Variants in GSE1 observed in about 807,000 individuals in gnomAD.
GSE1 encodes the protein genetic suppressor element 1.
GSE1 carries 32 observed loss-of-function variants against 112.6 expected under a neutral mutation model. That is an observed-to-expected ratio of 0.28 (90% confidence interval 0.21 to 0.38). The LOEUF (loss-of-function observed/expected upper bound fraction) is 0.38, where lower values mean the gene tolerates loss of function less well. Ranked by LOEUF, GSE1 falls within the 10% of genes least tolerant of loss-of-function variation. The pLI is 1.00. For missense variants in GSE1, 2,348 were observed against 1,699.2 expected, an observed-to-expected ratio of 1.38 and a Z score of -6.71; for synonymous variants, 1,115 against 735.6, an observed-to-expected ratio of 1.52 and a Z score of -8.35.
chr16:85,604,891 C>T (rs1473060424), intron 1 of GSE1, among the ~76,000 whole-genome samples: 1 of 84,422 alleles, frequency 1.2e-5, no homozygotes, highest in East Asian at 4.2e-4. Context: ...GATCTCGGCT[C>T]ACTGCAAGCT....
chr16:85,358,998 G>A (rs914245083), intron 2 of GSE1, among the ~76,000 whole-genome samples: 3 of 152,232 alleles, frequency 2.0e-5, no homozygotes, highest in African/African-American at 7.2e-5. Flanking sequence ...TGGCTCACGG[G>A]GCAGATGTGG....
At chr16:85,463,349 CT>C (rs2151828501) in intron 2 of GSE1, among the ~76,000 whole-genome samples, 1 of 152,306 alleles carries the variant, frequency 6.6e-6, no homozygotes, top group African/African-American at 2.4e-5. Flanking sequence ...GTAGAAAACC[CT>C]TGACCCCCGC....
At chr16:85,556,695 G>A (rs2151265301) in intron 1 of GSE1, among the ~76,000 whole-genome samples, 1 of 148,722 alleles carries the variant, frequency 6.7e-6, no homozygotes, top group South Asian at 2.1e-4. Flanking sequence ...CCAAGGTGAA[G>A]TAAGCGCCGA....
intron 2 of GSE1, among the ~76,000 whole-genome samples, chr16:85,538,836 C>T (rs2044421431): frequency 6.6e-6 from 1 of 152,212 alleles, no homozygotes; most frequent in African/African-American, 2.4e-5. Flanking sequence ...TCCCTCTTGC[C>T]CTGGAAGACC....
chr16:85,274,008 T>C (rs115905226), intron 1 of GSE1, among the ~76,000 whole-genome samples: 1,970 of 150,826 alleles, frequency 0.013, 47 homozygotes, highest in African/African-American at 0.041. Context: ...GGGTCTCTTT[T>C]TGGGGTGATG....
In GSE1 at chr16:85,668,397, T is replaced by G. The variant is rs1365057156; in HGVS notation, c.3388T>G (p.Phe1130Val). The change falls in exon 14 of 16, where the codon TTT becomes GTT. Residue 1130 changes from phenylalanine to valine, a missense_variant. Transcript: ENST00000253458. Reference sequence around the variant, plus strand: ...CAAGTGGCAAGGGATCGAGGCCGTTTTTGAAGCTTACCAGGAACACATAGA... The same window carrying G: ...CAAGTGGCAAGGGATCGAGGCCGTTGTTGAAGCTTACCAGGAACACATAGA... ...KRKWQGIEAVFEAYQEHIEEQ... is the reference protein window; with the variant it reads ...KRKWQGIEAVVEAYQEHIEEQ... 2.5e-6 allele frequency: 4 copies of G among 1,610,810 alleles called. No homozygotes were observed. In the South Asian group the frequency reaches 3.3e-5, roughly 13 times the overall value.
chr16:85,400,014 A>C (rs945551496), intron 2 of GSE1, among the ~76,000 whole-genome samples: 5 of 152,200 alleles, frequency 3.3e-5, no homozygotes, highest in African/African-American at 1.2e-4. Context: ...GCAGCCCCTG[A>C]GCAGGCCCAG....
chr16:85,281,494 G>C (rs1057165043), intron 1 of GSE1, among the ~76,000 whole-genome samples: 1 of 152,206 alleles, frequency 6.6e-6, no homozygotes, highest in African/African-American at 2.4e-5. Flanking sequence ...TTAAATGCCA[G>C]ATGAGAAGTT....
chr16:85,553,166 A>T (rs868667671), upstream of GSE1, among the ~76,000 whole-genome samples: 17 of 147,730 alleles, frequency 1.2e-4, no homozygotes, highest in Middle Eastern at 6.9e-3. Context: ...GGCACAGATC[A>T]TGCAGCTCGC....
chr16:85,652,108 G>T (rs532792307), intron 3 of GSE1, among the ~76,000 whole-genome samples: 1 of 152,234 alleles, frequency 6.6e-6, no homozygotes, highest in African/African-American at 2.4e-5. Context: ...CACCCTGCTG[G>T]TGCGTCCCCC....
chr16:85,209,491 C>G (rs927224154), intron 1 of GSE1, among the ~76,000 whole-genome samples: 1 of 152,152 alleles, frequency 6.6e-6, no homozygotes, highest in Non-Finnish European at 1.5e-5. Flanking sequence ...CGTGCATCCC[C>G]CTGGACCACT....
upstream of GSE1, among the ~76,000 whole-genome samples, chr16:85,608,609 G>A (rs1310610603): frequency 6.6e-6 from 1 of 152,216 alleles, no homozygotes; most frequent in Non-Finnish European, 1.5e-5. Context: ...AGGTGTAAGA[G>A]CCACGTCTGG....
chr16:85,497,922 C>T (rs966779662), intron 2 of GSE1, among the ~76,000 whole-genome samples: 10 of 152,160 alleles, frequency 6.6e-5, no homozygotes, highest in African/African-American at 2.4e-4. Context: ...GAAACCAAAG[C>T]CTGGGGAGCT....
intron 8 of GSE1, among the ~76,000 whole-genome samples, chr16:85,659,844 GCCTTAGCCTGGGT>G (rs2052286100): frequency 6.6e-6 from 1 of 152,232 alleles, no homozygotes; most frequent in African/African-American, 2.4e-5. Context: ...GCCTCAGCAG[GCCTTAGCCTGGGT>G]CCTTGAAGAC....
intron 1 of GSE1, among the ~76,000 whole-genome samples, chr16:85,221,738 C>G (rs1017795133): frequency 2.6e-5 from 4 of 152,198 alleles, no homozygotes; most frequent in Admixed American, 6.5e-5. Context: ...GCCCACTTTC[C>G]TTCATGTCCA....
At chr16:85,434,635 T>C (rs189614487) in intron 2 of GSE1, among the ~76,000 whole-genome samples, 13 of 152,090 alleles carry the variant, frequency 8.5e-5, no homozygotes, top group African/African-American at 3.1e-4. Flanking sequence ...CTGGCCAACA[T>C]GGTAAAACCC....
At chr16:85,396,508 C>T (rs758852246) in intron 2 of GSE1, among the ~76,000 whole-genome samples, 8 of 152,250 alleles carry the variant, frequency 5.3e-5, no homozygotes, top group South Asian at 2.1e-4. Context: ...GGATGCTCTC[C>T]GCTCCTCTGC....
chr16:85,461,363 T>A (rs1189746818), intron 2 of GSE1, among the ~76,000 whole-genome samples: 1 of 152,100 alleles, frequency 6.6e-6, no homozygotes, highest in Non-Finnish European at 1.5e-5. Flanking sequence ...CAACCCCCAC[T>A]CCCCCTTTGA....
chr16:85,462,856 G>A (rs1400085924), intron 2 of GSE1, among the ~76,000 whole-genome samples: 3 of 146,740 alleles, frequency 2.0e-5, no homozygotes, highest in African/African-American at 7.4e-5. Flanking sequence ...CAGGCGCCCC[G>A]GCCCCTCCCC....
Sources: gnomAD v4.1 joint callset for allele counts (sites outside exome capture counted in the v4.1 genomes callset) on GRCh38, gnomAD v4.1.1 for gene constraint, MANE v1.5 for transcripts, NCBI Gene and HGNC (gene_info 2026-07-23, HGNC 2026-07-21) for gene names.